SLCO5A1: variants seen among roughly 807,000 people sequenced by gnomAD.
The protein encoded by SLCO5A1 is solute carrier organic anion transporter family member 5A1, also known as organic anion transporter polypeptide-related protein 4.
SLCO5A1 carries 39 observed loss-of-function variants against 65.1 expected under a neutral mutation model. The ratio of observed to expected loss-of-function variants is 0.60; its 90% CI spans 0.46 to 0.78. SLCO5A1 has a LOEUF of 0.78. SLCO5A1 is among the 30% of genes least tolerant of loss of function. SLCO5A1 has a pLI of 0.00. For missense variants in SLCO5A1, 1,029 were observed against 1,069.4 expected (o/e 0.96, Z 0.53); for synonymous variants, 438 against 415.7 (o/e 1.05, Z -0.65).
chr8:69,828,482 G>A (rs1052339166), intron 2 of SLCO5A1, among the ~76,000 whole-genome samples: 19 of 151,704 alleles, frequency 1.3e-4, no homozygotes, highest in Non-Finnish European at 2.1e-4. Context: ...GGCGCCTGTA[G>A]TCCCAGCTAC....
intron 2 of SLCO5A1, among the ~76,000 whole-genome samples, chr8:69,778,613 CA>C (rs1176063006): frequency 1.3e-5 from 2 of 151,976 alleles, no homozygotes; most frequent in Non-Finnish European, 2.9e-5. Context: ...TTAAAATAAG[CA>C]AAAAAATTAA....
chr8:69,702,314 C>G (rs1814776161), intron 6 of SLCO5A1, among the ~76,000 whole-genome samples: 1 of 152,174 alleles, frequency 6.6e-6, no homozygotes, highest in South Asian at 2.1e-4. Flanking sequence ...CTAACATCAC[C>G]CCAATTTACA....
intron 5 of SLCO5A1, among the ~76,000 whole-genome samples, chr8:69,708,885 T>C (rs1396292996): frequency 4.0e-5 from 6 of 151,830 alleles, no homozygotes; most frequent in Non-Finnish European, 8.8e-5. Flanking sequence ...CCAGCCTGGG[T>C]GACAGAGTGA....
At chr8:69,760,737 C>G (rs546807675) in intron 3 of SLCO5A1, among the ~76,000 whole-genome samples, 1 of 152,312 alleles carries the variant, frequency 6.6e-6, no homozygotes, top group Admixed American at 6.5e-5. Flanking sequence ...AATAACTTAT[C>G]ATGTTCAAGT....
chr8:69,700,922 T>G (rs1215368745), intron 6 of SLCO5A1, among the ~76,000 whole-genome samples: 1 of 151,982 alleles, frequency 6.6e-6, no homozygotes, highest in Non-Finnish European at 1.5e-5. Flanking sequence ...GAGGATGTGC[T>G]CCATCAAAAT....
chr8:69,694,954 A>G (rs1814435524), intron 6 of SLCO5A1, among the ~76,000 whole-genome samples: 1 of 152,184 alleles, frequency 6.6e-6, no homozygotes, highest in African/African-American at 2.4e-5. Context: ...TCGAGTTCAT[A>G]AGAGTTGCAG....
At chr8:69,828,210 G>A (rs1455725859) in intron 2 of SLCO5A1, among the ~76,000 whole-genome samples, 1 of 151,516 alleles carries the variant, frequency 6.6e-6, no homozygotes, top group Admixed American at 6.6e-5. Flanking sequence ...CCATTTAATA[G>A]AAAGCAGAAT....
intron 5 of SLCO5A1, among the ~76,000 whole-genome samples, chr8:69,722,152 CAG>C (rs995374820): frequency 7.2e-5 from 11 of 152,158 alleles, no homozygotes; most frequent in African/African-American, 2.7e-4. Flanking sequence ...GCCTGGGTGA[CAG>C]AGCAAAGACT....
rs564014065 is a variant in SLCO5A1, at chr8:69,812,592, C to A, written c.907+19175G>T. On this transcript the variant is annotated intron_variant, in intron 2 of 9. Coordinates refer to ENST00000260126, the MANE Select transcript of SLCO5A1 (RefSeq NM_030958.3). ...GAGGGCCCTGCAGACCTCTCCCTGA[C>A]AACAATGGCTCTAGAACCTAAAAGG... Among the ~76,000 whole-genome samples the A allele has an allele frequency of 1.8e-3, 270 of 152,278 alleles. 1 individual carries two copies. Among genetic ancestry groups the A allele is most frequent in the Non-Finnish European group, 1.7e-3 (119 of 68,020 alleles).
intron 2 of SLCO5A1, among the ~76,000 whole-genome samples, chr8:69,778,158 A>T (rs755119988): frequency 2.6e-5 from 4 of 152,062 alleles, no homozygotes; most frequent in Non-Finnish European, 4.4e-5. Context: ...GGTTTTAGGC[A>T]TGCATCAAGG....
rs1449933452 is a variant in SLCO5A1, at chr8:69,832,997, G to A, written c.-324C>T. On this transcript the variant is annotated 5_prime_UTR_variant, in exon 2 of 10. Coordinates refer to ENST00000260126, the MANE Select transcript of SLCO5A1 (RefSeq NM_030958.3). This position sits in a 1 kb window ranked among gnomAD's most constrained non-coding sequence, Gnocchi z 4.5. ...CGCGCGTCCCGGGCTCATCCCCTCC[G>A]CCGCCGCCGCCGCCGCCGCCGCTGG... 3 of 241,980 alleles carry A rather than the reference G, an allele frequency of 1.2e-5. No individual in the cohort carries two copies. Among genetic ancestry groups the A allele is most frequent in the Non-Finnish European group, 2.3e-5 (3 of 129,038 alleles). The allele number at this position is 241,980 out of a possible 1,614,324, so 15.0% of individuals were successfully genotyped here.
intron 2 of SLCO5A1, among the ~76,000 whole-genome samples, chr8:69,795,944 A>G (rs1486220082): frequency 3.9e-5 from 6 of 152,144 alleles, no homozygotes; most frequent in Non-Finnish European, 8.8e-5. Flanking sequence ...TACAGCTTAC[A>G]CCCTCTGAAG....
intron 2 of SLCO5A1, among the ~76,000 whole-genome samples, chr8:69,787,781 A>T (rs571096331): frequency 6.6e-6 from 1 of 152,174 alleles, no homozygotes; most frequent in Non-Finnish European, 1.5e-5. Flanking sequence ...GCAGTGGAAA[A>T]CCATTATGAG....
intron 2 of SLCO5A1, among the ~76,000 whole-genome samples, chr8:69,784,801 GAAAGAAAGAA>G (rs1172304349): frequency 2.4e-4 from 22 of 93,072 alleles, no homozygotes; most frequent in Admixed American, 1.6e-3. Context: ...AAAAAAGAAA[GAAAGAAAGAA>G]AAAGAAAGAA....
At chr8:69,741,112 A>T (rs1462782278) in intron 4 of SLCO5A1, among the ~76,000 whole-genome samples, 1 of 152,084 alleles carries the variant, frequency 6.6e-6, no homozygotes, top group Non-Finnish European at 1.5e-5. Flanking sequence ...TCCATAATAC[A>T]TTGTCTCACA....
intron 6 of SLCO5A1, among the ~76,000 whole-genome samples, chr8:69,691,665 T>C (rs1219995506): frequency 6.6e-6 from 1 of 152,218 alleles, no homozygotes; most frequent in Non-Finnish European, 1.5e-5. Context: ...ATTTCCTTCT[T>C]TTTTAAGGCT....
At chr8:69,805,761 T>C (rs144661069) in intron 2 of SLCO5A1, among the ~76,000 whole-genome samples, 1 of 152,280 alleles carries the variant, frequency 6.6e-6, no homozygotes, top group Non-Finnish European at 1.5e-5. Context: ...TTTCTCTTCA[T>C]ATAATACACC....
At chr8:69,710,597 G>A (rs1815194922) in intron 5 of SLCO5A1, among the ~76,000 whole-genome samples, 1 of 152,072 alleles carries the variant, frequency 6.6e-6, no homozygotes, top group African/African-American at 2.4e-5. Context: ...GAATGAAAAC[G>A]TTTTATTCAT....
chr8:69,793,259 CAGGCGTG>C (rs1300325264), intron 2 of SLCO5A1, among the ~76,000 whole-genome samples: 1 of 152,120 alleles, frequency 6.6e-6, no homozygotes, highest in Non-Finnish European at 1.5e-5. Flanking sequence ...GCTGGGATTA[CAGGCGTG>C]AGCCATTGTG....
Sources: gnomAD v4.1 joint callset for allele counts (sites outside exome capture counted in the v4.1 genomes callset) on GRCh38, gnomAD v4.1.1 for gene constraint, Gnocchi (gnomAD v3.1) non-coding constraint, MANE v1.5 for transcripts, NCBI Gene and HGNC (gene_info 2026-07-23, HGNC 2026-07-21) for gene names.